Variants in GRID1 observed in about 807,000 individuals in gnomAD.
The protein encoded by GRID1 is glutamate ionotropic receptor delta type subunit 1, also known as glutamate receptor ionotropic, delta-1.
GRID1 carries 28 observed loss-of-function variants against 98.0 expected under a neutral mutation model. That is an observed-to-expected ratio of 0.29 (90% CI 0.21 to 0.39). The LOEUF is 0.39. GRID1 is among the 10% of genes least tolerant of loss of function. GRID1 has a pLI of 1.00. For missense variants in GRID1, 1,111 were observed against 1,340.5 expected (o/e 0.83, Z 2.67); for synonymous variants, 553 against 538.5 (o/e 1.03, Z -0.37).
At chr10:86,193,200 G>C (rs371035974) in intron 3 of GRID1, among the ~76,000 whole-genome samples, 1 of 152,026 alleles carries the variant, frequency 6.6e-6, no homozygotes, top group Non-Finnish European at 1.5e-5. Flanking sequence ...GTGAGGGCTT[G>C]AGATCTGAAT....
chr10:85,638,690 A>C (rs1024906575), intron 13 of GRID1, among the ~76,000 whole-genome samples: 1 of 152,222 alleles, frequency 6.6e-6, no homozygotes, highest in Non-Finnish European at 1.5e-5. Context: ...TATTTGATCA[A>C]GGACTTCTAT....
At chr10:85,816,378 T>C (rs939459142) in intron 8 of GRID1, among the ~76,000 whole-genome samples, 5 of 152,156 alleles carry the variant, frequency 3.3e-5, no homozygotes, top group African/African-American at 1.2e-4. Context: ...ACAGCATAAA[T>C]GAATCTTAAA....
intron 3 of GRID1, among the ~76,000 whole-genome samples, chr10:86,173,272 C>A (rs1845521422): frequency 6.6e-6 from 1 of 152,220 alleles, no homozygotes; most frequent in South Asian, 2.1e-4. Context: ...TTCCTGGCCT[C>A]AAGTGATCCT....
chr10:85,608,566 A>C (rs1842698364), intron 15 of GRID1, among the ~76,000 whole-genome samples: 1 of 152,210 alleles, frequency 6.6e-6, no homozygotes, highest in Non-Finnish European at 1.5e-5. Context: ...GGTCCCTGGC[A>C]CATAGAAAGT....
At chr10:86,045,131 C>A (rs992729902) in intron 4 of GRID1, among the ~76,000 whole-genome samples, 1 of 152,206 alleles carries the variant, frequency 6.6e-6, no homozygotes, top group Non-Finnish European at 1.5e-5. Flanking sequence ...TTTGTATTAA[C>A]TCATTCAATC....
In GRID1 at chr10:86,223,260, G is replaced by A. The variant is rs1479799198; in HGVS notation, c.236-16612C>T. ...CAGCTCCAGCCCTGCCCTGCGCATG[G>A]AAGATGGTGCTCCCTTTCTCCACCC... is the stretch of plus-strand genomic sequence containing the variant. On this transcript the variant is annotated intron_variant, in intron 2 of 15. Transcript: ENST00000327946. Among the ~76,000 whole-genome samples the A allele has an allele frequency of 2.6e-5, 4 of 152,194 alleles. No individual in the cohort carries two copies. The East Asian group carries it at 5.8e-4, about 22-fold the overall frequency.
chr10:86,003,273 C>T (rs1842821770), intron 4 of GRID1, among the ~76,000 whole-genome samples: 1 of 152,202 alleles, frequency 6.6e-6, no homozygotes, highest in Admixed American at 6.5e-5. Context: ...GAGACTTGCT[C>T]TTGGGAAGTC....
rs115339488 is a variant in GRID1, at chr10:86,336,608, C to A, written c.235+27333G>T. ...GCCGTCCTCTGGGTGCCTGGAACCCCGTGGTGTCCCCACCCAGTAGGCTCC... is the reference window on the plus strand; with the variant it reads ...GCCGTCCTCTGGGTGCCTGGAACCCAGTGGTGTCCCCACCCAGTAGGCTCC... On this transcript the variant is annotated intron_variant, in intron 2 of 15. Coordinates refer to ENST00000327946, the MANE Select transcript of GRID1 (RefSeq NM_017551.3). Among the ~76,000 whole-genome samples, 880 of 152,338 alleles carry A rather than the reference C, an allele frequency of 5.8e-3. 9 individuals are homozygous for A. Among genetic ancestry groups the A allele is most frequent in the African/African-American group, 0.02 (835 of 41,580 alleles).
chr10:86,068,220 C>T (rs1162535519), intron 4 of GRID1, among the ~76,000 whole-genome samples: 1 of 152,100 alleles, frequency 6.6e-6, no homozygotes, highest in East Asian at 1.9e-4. Flanking sequence ...AAGATGTGAC[C>T]CAGGTGTGGT....
chr10:86,245,861 G>A (rs931847270), intron 2 of GRID1, among the ~76,000 whole-genome samples: 1 of 152,254 alleles, frequency 6.6e-6, no homozygotes, highest in Non-Finnish European at 1.5e-5. Flanking sequence ...AGAAGGCTGG[G>A]GCAGCACAGG....
rs541490691 is a variant in GRID1, at chr10:85,973,895, T to C, written c.727-57656A>G. On this transcript the variant is annotated intron_variant, in intron 4 of 15. Transcript: ENST00000327946. The stretch of plus-strand genomic sequence containing the variant: ...TTTGAATCCCAGCCCAGCTACAAAC[T>C]GGCAACATATATTAGTCATGCTGCT... Among the ~76,000 whole-genome samples the C allele has an allele frequency of 2.6e-5, 4 of 152,332 alleles. No homozygotes were observed. The South Asian group carries it at 6.2e-4, about 24-fold the overall frequency.
intron 5 of GRID1, among the ~76,000 whole-genome samples, chr10:85,900,080 C>G (rs1841358594): frequency 6.6e-6 from 1 of 152,190 alleles, no homozygotes; most frequent in South Asian, 2.1e-4. Flanking sequence ...CTCAAACATC[C>G]CTTAAGACAC....
chr10:86,089,172 C>T (rs963920098), intron 4 of GRID1, among the ~76,000 whole-genome samples: 2 of 152,146 alleles, frequency 1.3e-5, no homozygotes, highest in African/African-American at 4.8e-5. Flanking sequence ...ATACCACTGC[C>T]ATAAAGAGTT....
intron 2 of GRID1, among the ~76,000 whole-genome samples, chr10:86,335,362 C>A (rs547576546): frequency 6.6e-6 from 1 of 152,320 alleles, no homozygotes; most frequent in Admixed American, 6.5e-5. Flanking sequence ...AGGTGCTCTG[C>A]CAAATAAAGT....
At chr10:85,733,977 A>G (rs1212100629) in intron 8 of GRID1, among the ~76,000 whole-genome samples, 1 of 152,232 alleles carries the variant, frequency 6.6e-6, no homozygotes, top group Non-Finnish European at 1.5e-5. Flanking sequence ...TTTGATAAAA[A>G]TAACTAGCAT....
intron 2 of GRID1, among the ~76,000 whole-genome samples, chr10:86,331,244 C>T (rs1400106336): frequency 6.6e-6 from 1 of 152,312 alleles, no homozygotes; most frequent in East Asian, 1.9e-4. Flanking sequence ...CTTTAAGTGG[C>T]TCCTAGGTTC....
chr10:85,607,031 G>A (rs1842675785), intron 15 of GRID1: 1 of 152,166 alleles, frequency 6.6e-6, no homozygotes, highest in Non-Finnish European at 1.5e-5. Flanking sequence ...CACAGACTGT[G>A]TTTACCCGTG....
intron 3 of GRID1, among the ~76,000 whole-genome samples, chr10:86,167,503 C>G (rs577725190): frequency 2.4e-4 from 36 of 152,328 alleles, no homozygotes; most frequent in African/African-American, 8.4e-4. Context: ...CAGGATCAGG[C>G]AAACGGTGCC....
chr10:85,864,995 GC>G (rs1479952078), intron 6 of GRID1, among the ~76,000 whole-genome samples: 5 of 152,150 alleles, frequency 3.3e-5, no homozygotes, highest in Non-Finnish European at 7.3e-5. Context: ...TTCAATTGCA[GC>G]CCTGATGTCA....
Sources: allele counts gnomAD v4.1 joint callset (sites outside exome capture counted in the v4.1 genomes callset), GRCh38; gene constraint gnomAD v4.1.1; transcripts MANE v1.5; gene names NCBI Gene and HGNC (gene_info 2026-07-23, HGNC 2026-07-21).